Variants in ATP8A2 observed in about 807,000 individuals in gnomAD.
ATP8A2 encodes phospholipid-transporting ATPase IB.
A neutral mutation model predicts 165.6 loss-of-function variants in ATP8A2; 100 were observed. The ratio of observed to expected loss-of-function variants is 0.60; its 90% CI spans 0.51 to 0.71. The LOEUF is 0.71. Ranked by LOEUF, ATP8A2 falls within the 30% of genes least tolerant of loss-of-function variation. The pLI is 0.00. For missense variants in ATP8A2, 1,227 were observed against 1,479.5 expected (o/e 0.83, Z 2.80); for synonymous variants, 543 against 548.8 (o/e 0.99, Z 0.15).
intron 1 of ATP8A2, among the ~76,000 whole-genome samples, chr13:25,460,006 A>C (rs2035464208): frequency 6.6e-6 from 1 of 152,120 alleles, no homozygotes; most frequent in African/African-American, 2.4e-5. Context: ...GTTCAATACT[A>C]GTCTGGCCAA....
chr13:25,821,482 C>A lies in ATP8A2; in HGVS notation c.2680-6636C>A, dbSNP rs180827494. Among the ~76,000 whole-genome samples the A allele has an allele frequency of 3.1e-3, 471 of 152,286 alleles. 2 individuals carry two copies. The highest frequency in any genetic ancestry group is 7.6e-3 in the Admixed American group (116 of 15,300). ...ATTTGTGAAGGTAGCAGATTCATATCCAGTTATAGGAATCTGTTATTCCTT... is the reference window on the plus strand; with the variant it reads ...ATTTGTGAAGGTAGCAGATTCATATACAGTTATAGGAATCTGTTATTCCTT... On this transcript the variant is annotated intron_variant, in intron 27 of 36. Transcript: ENST00000381655.
intron 25 of ATP8A2, among the ~76,000 whole-genome samples, chr13:25,711,838 G>C (rs75940458): frequency 0.015 from 2,297 of 152,268 alleles, 43 homozygotes; most frequent in African/African-American, 0.051. Context: ...GGGATGGTGA[G>C]ATGGGGTAGA....
At chr13:25,523,124 A>G (rs560888766) in intron 2 of ATP8A2, among the ~76,000 whole-genome samples, 2 of 152,190 alleles carry the variant, frequency 1.3e-5, no homozygotes, top group Admixed American at 6.5e-5. Context: ...TCTCAAAAAA[A>G]AAAAAAAAAG....
intron 25 of ATP8A2, among the ~76,000 whole-genome samples, chr13:25,763,737 G>A (rs2044433047): frequency 2.0e-5 from 3 of 152,224 alleles, no homozygotes; most frequent in Non-Finnish European, 2.9e-5. Flanking sequence ...GAGCCGCACA[G>A]TTTGGATCCG....
intron 33 of ATP8A2, among the ~76,000 whole-genome samples, chr13:25,875,125 A>C (rs1952791671): frequency 6.8e-6 from 1 of 147,438 alleles, no homozygotes; most frequent in South Asian, 2.1e-4. Flanking sequence ...GCTGTTTAAT[A>C]GACACAGAGT....
intron 2 of ATP8A2, among the ~76,000 whole-genome samples, chr13:25,513,136 G>T (rs1391405400): frequency 1.3e-5 from 2 of 152,080 alleles, no homozygotes; most frequent in South Asian, 4.1e-4. Flanking sequence ...TGGCTGCCGG[G>T]CGGAGGGGCT....
intron 25 of ATP8A2, among the ~76,000 whole-genome samples, chr13:25,716,693 A>G (rs528212581): frequency 3.9e-5 from 6 of 152,310 alleles, no homozygotes; most frequent in Admixed American, 3.9e-4. Flanking sequence ...TCAATTTGAA[A>G]AATATTTATG....
intron 24 of ATP8A2, among the ~76,000 whole-genome samples, chr13:25,646,922 A>G (rs1258193137): frequency 6.6e-6 from 1 of 152,120 alleles, no homozygotes; most frequent in Non-Finnish European, 1.5e-5. Flanking sequence ...TGTAGTTACT[A>G]TAAGGTTCAC....
intron 24 of ATP8A2, among the ~76,000 whole-genome samples, chr13:25,624,457 A>C (rs1272133653): frequency 6.6e-6 from 1 of 152,124 alleles, no homozygotes; most frequent in Non-Finnish European, 1.5e-5. Flanking sequence ...ATTTCACTTC[A>C]ATGTAATTTA....
chr13:25,562,337 G>T (rs2039181618), intron 15 of ATP8A2, among the ~76,000 whole-genome samples: 1 of 152,136 alleles, frequency 6.6e-6, no homozygotes, highest in Non-Finnish European at 1.5e-5. Flanking sequence ...GGTATGAAGT[G>T]GTACCTTATC....
At chr13:25,392,304 G>A (rs1016425415) in intron 1 of ATP8A2, among the ~76,000 whole-genome samples, 5 of 152,326 alleles carry the variant, frequency 3.3e-5, no homozygotes, top group South Asian at 2.1e-4. Context: ...TGGGACCCGA[G>A]TCATGTGACA....
At chr13:25,600,415 G>A (rs1313356834) in intron 24 of ATP8A2, among the ~76,000 whole-genome samples, 1 of 152,186 alleles carries the variant, frequency 6.6e-6, no homozygotes, top group Non-Finnish European at 1.5e-5. Flanking sequence ...AGGGAGCCTG[G>A]ACAGTGAGAG....
intron 27 of ATP8A2, among the ~76,000 whole-genome samples, chr13:25,803,280 G>T (rs1217083358): frequency 6.6e-6 from 1 of 152,064 alleles, no homozygotes; most frequent in Non-Finnish European, 1.5e-5. Context: ...CTAACTACAG[G>T]TCTTAAGTAA....
intron 2 of ATP8A2, among the ~76,000 whole-genome samples, chr13:25,493,609 G>A (rs560039743): frequency 6.6e-6 from 1 of 152,310 alleles, no homozygotes; most frequent in East Asian, 1.9e-4. Context: ...GGACATTCAG[G>A]TAGGTGTATC....
intron 1 of ATP8A2, among the ~76,000 whole-genome samples, chr13:25,432,428 T>C (rs1371089010): frequency 6.6e-6 from 1 of 152,188 alleles, no homozygotes; most frequent in African/African-American, 2.4e-5. Context: ...CCACTGCATG[T>C]CAGGTGACAT....
rs1593586278 is a variant in ATP8A2 at position 25,935,130 on chromosome 13, G to C, written c.3184-26445G>C. On this transcript the variant is annotated intron_variant, in intron 33 of 36. Coordinates refer to ENST00000381655, the MANE Select transcript of ATP8A2 (RefSeq NM_016529.6). ...TCTGTTTTACAAATGAGTAAACTCA[G>C]GCTTATGGAAATTAAGTTACTTAAT... 3.9e-5 allele frequency among the ~76,000 whole-genome samples: 6 copies of C among 152,298 alleles called. 1 individual carries two copies. The highest frequency in any genetic ancestry group is 3.9e-4 in the Admixed American group (6 of 15,312).
chr13:25,792,922 AAGAG>A lies in ATP8A2; in HGVS notation c.2679+17973_2679+17976del, dbSNP rs746811542. Among the ~76,000 whole-genome samples the A allele has an allele frequency of 1.3e-4, 19 of 151,088 alleles. No homozygotes were observed. In the East Asian group the frequency reaches 2.7e-3, roughly 22 times the overall value. ...CCTGTCTCAAAAAAAAGAAAAGAAA[AAGAG>A]AGAGAGAGAAAGAAGAAAGGAAGGA... is the stretch of plus-strand genomic sequence containing the variant. On this transcript the variant is annotated intron_variant, in intron 27 of 36. Transcript: ENST00000381655.
intron 20 of ATP8A2, among the ~76,000 whole-genome samples, chr13:25,578,507 G>C (rs2039681906): frequency 6.6e-6 from 1 of 152,156 alleles, no homozygotes; most frequent in South Asian, 2.1e-4. Flanking sequence ...TAAACTTTGG[G>C]ATATGAGTTT....
At chr13:25,465,738 TCC>T (rs1566153598) in intron 1 of ATP8A2, among the ~76,000 whole-genome samples, 62 of 17,292 alleles carry the variant, frequency 3.6e-3, no homozygotes, top group South Asian at 0.01. Flanking sequence ...TTTCTTTCTT[TCC>T]CTCCCTCCCT....
Sources: allele counts gnomAD v4.1 joint callset (sites outside exome capture counted in the v4.1 genomes callset), GRCh38; gene constraint gnomAD v4.1.1; transcripts MANE v1.5; gene names NCBI Gene and HGNC (gene_info 2026-07-23, HGNC 2026-07-21).